TMC1: variants seen among roughly 807,000 people sequenced by gnomAD.
TMC1 encodes transmembrane channel like 1.
A neutral mutation model predicts 105.8 loss-of-function variants in TMC1; 84 were observed. The observed-to-expected ratio is 0.79, with a 90% CI of 0.67 to 0.95. The LOEUF (loss-of-function observed/expected upper bound fraction) is 0.95, where lower values mean the gene tolerates loss of function less well. Ranked by LOEUF, TMC1 falls within the 40% of genes least tolerant of loss-of-function variation. The pLI is 0.00. For synonymous variants in TMC1, 315 were observed against 311.5 expected (o/e 1.01, Z -0.12); for missense variants, 817 against 914.1 (o/e 0.89, Z 1.37).
chr9:72,806,421 G>A lies in TMC1; in HGVS notation c.1695+911G>A, dbSNP rs548734010. On this transcript the variant is annotated intron_variant, in intron 18 of 23. Coordinates refer to ENST00000297784, the MANE Select transcript of TMC1 (RefSeq NM_138691.3). The stretch of plus-strand genomic sequence containing the variant: ...GGGCTGACGCCCCCACCTCCCTCCC[G>A]GACGGGGTGGCTGCCGGGCGGAGAC... Among the ~76,000 whole-genome samples, 276 of 150,202 alleles carry A rather than the reference G, an allele frequency of 1.8e-3. 5 individuals carry two copies. The highest frequency in any genetic ancestry group is 1.9e-3 in the Non-Finnish European group (128 of 67,370).
intron 1 of TMC1, among the ~76,000 whole-genome samples, chr9:72,552,248 T>C (rs1823870806): frequency 6.6e-6 from 1 of 152,094 alleles, no homozygotes; most frequent in Non-Finnish European, 1.5e-5. Context: ...ACAGAACAAA[T>C]GAACTCCTGA....
At chr9:72,678,421 G>T (rs1198354386) in intron 5 of TMC1, among the ~76,000 whole-genome samples, 1 of 152,074 alleles carries the variant, frequency 6.6e-6, no homozygotes, top group Non-Finnish European at 1.5e-5. Flanking sequence ...TCAGAATTCA[G>T]ACTCATGCTT....
rs145152444 is a variant in TMC1, at chr9:72,579,548, C to T, written c.-306+1525C>T. Among the ~76,000 whole-genome samples, 165 of 152,312 alleles carry T rather than the reference C, an allele frequency of 1.1e-3. 1 individual carries two copies. Among genetic ancestry groups the T allele is most frequent in the African/African-American group, 3.7e-3 (152 of 41,554 alleles). On this transcript the variant is annotated intron_variant, in intron 2 of 23. Coordinates refer to ENST00000297784, the MANE Select transcript of TMC1 (RefSeq NM_138691.3). ...GCTTTAGCTTCTAGACACACAGCCC[C>T]CTCCCCTTTTTCCTGGAGCCCCTCT...
chr9:72,604,255 G>T (rs1434359569), intron 2 of TMC1, among the ~76,000 whole-genome samples: 1 of 151,982 alleles, frequency 6.6e-6, no homozygotes, highest in East Asian at 1.9e-4. Context: ...AATAAATACT[G>T]TTTTTTTGTT....
intron 20 of TMC1, among the ~76,000 whole-genome samples, chr9:72,823,000 A>G (rs1828899693): frequency 1.3e-5 from 2 of 152,326 alleles, no homozygotes; most frequent in Admixed American, 6.5e-5. Flanking sequence ...TTTTGAAATC[A>G]GGGAAATTTA....
chr9:72,810,531 G>A (rs527428470), intron 18 of TMC1, among the ~76,000 whole-genome samples: 1 of 152,240 alleles, frequency 6.6e-6, no homozygotes, highest in Non-Finnish European at 1.5e-5. Flanking sequence ...ATCAAATAGT[G>A]TTAGATAACA....
At chr9:72,800,904 C>T (rs374897086) in intron 17 of TMC1, among the ~76,000 whole-genome samples, 65 of 152,134 alleles carry the variant, frequency 4.3e-4, no homozygotes, top group African/African-American at 1.5e-3. Flanking sequence ...CAAGGTCTGG[C>T]CTTTAAGAGA....
At chr9:72,647,039 G>C (rs1258885831) in intron 4 of TMC1, among the ~76,000 whole-genome samples, 2 of 151,568 alleles carry the variant, frequency 1.3e-5, no homozygotes, top group Non-Finnish European at 2.9e-5. Flanking sequence ...CTACTCGGGA[G>C]GCTGAGGCAG....
At position 72,653,486 on chromosome 9, in the gene TMC1, A is replaced by G. The variant is rs149252097; in HGVS notation, c.16+4822A>G. ...TACCATAGGTTACTATTCAACAATA[A>G]AAAGAAAAACTGTTGATACATCTAA... On this transcript the variant is annotated intron_variant, in intron 5 of 23. Transcript: ENST00000297784. Among the ~76,000 whole-genome samples the G allele has an allele frequency of 2.6e-4, 39 of 152,324 alleles. No individual in the cohort carries two copies. In the East Asian group the frequency reaches 3.9e-3, roughly 15 times the overall value.
At chr9:72,616,819 C>T (rs924384380) in intron 3 of TMC1, among the ~76,000 whole-genome samples, 1 of 151,956 alleles carries the variant, frequency 6.6e-6, no homozygotes, top group Non-Finnish European at 1.5e-5. Flanking sequence ...GTTCCCACCC[C>T]CGCTGTAGTT....
intron 1 of TMC1, among the ~76,000 whole-genome samples, chr9:72,571,997 C>T (rs938428297): frequency 2.6e-5 from 4 of 151,838 alleles, no homozygotes; most frequent in Admixed American, 6.6e-5. Flanking sequence ...CTACCACACT[C>T]GGCTAATTTT....
At chr9:72,634,357 C>G (rs747501773) in intron 4 of TMC1, among the ~76,000 whole-genome samples, 2 of 152,180 alleles carry the variant, frequency 1.3e-5, no homozygotes, top group Non-Finnish European at 2.9e-5. Flanking sequence ...CCTCTGGCTA[C>G]ATGATTCTTG....
In TMC1 at chr9:72,580,557, A is replaced by AGTGTGT. The variant is rs112783067; in HGVS notation, c.-306+2554_-306+2559dup. On this transcript the variant is annotated intron_variant, in intron 2 of 23. Transcript: ENST00000297784. ...TCTTCTCTAAATCTGACAGTGAAGC[A>AGTGTGT]GTGTGTGTGTGTGTGTGTGTGTGTG... is the stretch of plus-strand genomic sequence containing the variant. 1.7e-3 allele frequency among the ~76,000 whole-genome samples: 258 copies of AGTGTGT among 150,192 alleles called. 3 individuals are homozygous for AGTGTGT. The highest frequency in any genetic ancestry group is 0.013 in the East Asian group (66 of 5,088).
chr9:72,606,042 G>A (rs1407447863), intron 2 of TMC1, among the ~76,000 whole-genome samples: 3 of 152,114 alleles, frequency 2.0e-5, no homozygotes, highest in Admixed American at 2.0e-4. Context: ...AGGTGGTGGG[G>A]GGGTTAGGAT....
At chr9:72,570,197 C>T (rs1824248139) in intron 1 of TMC1, among the ~76,000 whole-genome samples, 1 of 149,986 alleles carries the variant, frequency 6.7e-6, no homozygotes, top group African/African-American at 2.5e-5. Context: ...TCCCTCTGCC[C>T]CACTCTTTGA....
At chr9:72,778,454 C>T (rs1265513496) in intron 13 of TMC1, among the ~76,000 whole-genome samples, 5 of 152,174 alleles carry the variant, frequency 3.3e-5, no homozygotes, top group African/African-American at 9.6e-5. Context: ...AGCCCACTCT[C>T]ACCATGGACC....
intron 13 of TMC1, among the ~76,000 whole-genome samples, chr9:72,781,500 G>C (rs1469688922): frequency 6.6e-6 from 1 of 151,824 alleles, no homozygotes; most frequent in African/African-American, 2.4e-5. Flanking sequence ...GACACAAAAA[G>C]CCATACAAAA....
chr9:72,565,265 G>A (rs960267187), intron 1 of TMC1, among the ~76,000 whole-genome samples: 1 of 152,174 alleles, frequency 6.6e-6, no homozygotes, highest in African/African-American at 2.4e-5. Flanking sequence ...GAAACAGGAT[G>A]ATGAGAAACA....
chr9:72,623,798 T>C (rs1825297616), intron 3 of TMC1, among the ~76,000 whole-genome samples: 1 of 152,156 alleles, frequency 6.6e-6, no homozygotes, highest in Non-Finnish European at 1.5e-5. Context: ...TTTTAGGTGT[T>C]TCTAGGGTAT....
Sources: gnomAD v4.1 joint callset for allele counts (sites outside exome capture counted in the v4.1 genomes callset) on GRCh38, gnomAD v4.1.1 for gene constraint, MANE v1.5 for transcripts, NCBI Gene and HGNC (gene_info 2026-07-23, HGNC 2026-07-21) for gene names.